The following WDR76 variants were observed in gnomAD, a reference collection of about 807,000 sequenced individuals.
The protein encoded by WDR76 is WD repeat domain 76.
Under a neutral mutation model 70.2 loss-of-function variants are expected in WDR76, and 52 were observed. The observed-to-expected ratio is 0.74, with a 90% CI of 0.59 to 0.93. The LOEUF (loss-of-function observed/expected upper bound fraction) is 0.93, where lower values mean the gene tolerates loss of function less well. Ranked by LOEUF, WDR76 falls within the 40% of genes least tolerant of loss-of-function variation. The pLI, the probability that WDR76 is intolerant of heterozygous loss-of-function variation, is 0.00. For missense variants in WDR76, 756 were observed against 760.2 expected (o/e 0.99, Z 0.07); for synonymous variants, 292 against 271.1 (o/e 1.08, Z -0.76).
chr15:43,857,574 C>T, intron 10 of WDR76: 1 of 968,414 alleles, frequency 1.0e-6, no homozygotes. Flanking sequence ...AATCCCAGCC[C>T]TTTGGGAGGC....
intron 2 of WDR76, among the ~76,000 whole-genome samples, chr15:43,829,355 A>ATAGGGAG (rs2087558238): frequency 6.6e-6 from 1 of 152,114 alleles, no homozygotes; most frequent in Non-Finnish European, 1.5e-5. Flanking sequence ...AAAGGGAGAT[A>ATAGGGAG]CTATAATTGA....
At chr15:43,830,337 TG>T (rs1247858820) in intron 2 of WDR76, among the ~76,000 whole-genome samples, 2 of 151,624 alleles carry the variant, frequency 1.3e-5, no homozygotes, top group Admixed American at 1.3e-4. Context: ...CTGAAGCAGG[TG>T]GATCACCTGA....
At chr15:43,828,432 A>T (rs974395887) in intron 2 of WDR76, 66 bp downstream of exon 2, 4 of 1,481,080 alleles carry the variant, frequency 2.7e-6, no homozygotes, top group Non-Finnish European at 3.6e-6. Flanking sequence ...TGATAAATCG[A>T]AGTTTTTCGA....
At position 43,842,528 on chromosome 15, in the gene WDR76, G is replaced by C; in HGVS notation, c.834+12G>C. The C allele has an allele frequency of 2.5e-6, 4 of 1,612,528 alleles. No homozygotes were observed. The highest frequency in any genetic ancestry group is 3.4e-6 in the Non-Finnish European group (4 of 1,179,114). On this transcript the variant is annotated intron_variant, in intron 6 of 12. Coordinates refer to ENST00000263795, the MANE Select transcript of WDR76 (RefSeq NM_024908.4). ...CAGGAATGAGCAAGGTATCACTTGG[G>C]AAGGCCAATAGCCTTTAGAATCATC...
intron 9 of WDR76, among the ~76,000 whole-genome samples, chr15:43,854,305 C>G (rs774657046): frequency 1.3e-5 from 2 of 152,172 alleles, no homozygotes; most frequent in Non-Finnish European, 2.9e-5. Flanking sequence ...CATGGTAGCT[C>G]ACACCTGTAA....
intron 8 of WDR76, among the ~76,000 whole-genome samples, chr15:43,847,206 A>G (rs1274750196): frequency 6.6e-6 from 1 of 152,060 alleles, no homozygotes; most frequent in Non-Finnish European, 1.5e-5. Flanking sequence ...GGCTTCATTG[A>G]GGTAATAATT....
intron 8 of WDR76, among the ~76,000 whole-genome samples, chr15:43,847,280 G>A (rs1054500510): frequency 6.6e-6 from 1 of 150,960 alleles, no homozygotes; most frequent in Non-Finnish European, 1.5e-5. Context: ...TTTTTTTTGA[G>A]ATGGGAATCT....
At position 43,868,292 on chromosome 15, in the gene WDR76, G is replaced by C. The variant is rs2088098388; in HGVS notation, c.*1900G>C. Reference sequence around the variant, plus strand: ...TAGAGTGGTTAGTTCTACGGGAATTGTTTTTGTTTTTGTTTTTAAAGATGC... The same window carrying C: ...TAGAGTGGTTAGTTCTACGGGAATTCTTTTTGTTTTTGTTTTTAAAGATGC... On this transcript the variant is annotated 3_prime_UTR_variant, in exon 13 of 13. Coordinates refer to ENST00000263795, the MANE Select transcript of WDR76 (RefSeq NM_024908.4). The C allele has an allele frequency of 6.6e-6, 1 of 152,052 alleles. No individual in the cohort carries two copies. The highest frequency in any genetic ancestry group is 6.6e-5 in the Admixed American group (1 of 15,264). The allele number at this position is 152,052 out of a possible 1,614,324, so 9.4% of individuals were successfully genotyped here.
chr15:43,839,950 C>T (rs1415708125), intron 5 of WDR76, among the ~76,000 whole-genome samples: 1 of 152,090 alleles, frequency 6.6e-6, no homozygotes, highest in African/African-American at 2.4e-5. Context: ...CCCCTCCTCC[C>T]GTGTTCAAGC....
chr15:43,866,093 AC>A lies in WDR76; in HGVS notation c.1617-34del, dbSNP rs549679726. The A allele has an allele frequency of 7.0e-5, 112 of 1,608,858 alleles. 1 individual carries two copies. The South Asian group carries it at 1.2e-3, about 17-fold the overall frequency. On this transcript the variant is annotated intron_variant, in intron 12 of 12. Transcript: ENST00000263795. Reference sequence around the variant, plus strand: ...GCCCAATGCTACCTTATTTAACCTTACTTCATTTAAAAAATATATTGTTTTC... The same window carrying A: ...GCCCAATGCTACCTTATTTAACCTTATTCATTTAAAAAATATATTGTTTTC...
In WDR76 at chr15:43,866,557, G is replaced by A; in HGVS notation, c.*165G>A. 1.3e-6 allele frequency: 1 copy of A among 778,946 alleles called. No homozygotes were observed. The highest frequency in any genetic ancestry group is 2.1e-5 in the South Asian group (1 of 47,392). The allele number at this position is 778,946 out of a possible 1,614,324, so 48.3% of individuals were successfully genotyped here. A position where few individuals can be genotyped will look rare whatever the true frequency, so the allele number is the denominator to read the frequency against. On this transcript the variant is annotated 3_prime_UTR_variant, in exon 13 of 13. Transcript: ENST00000263795. ...AGAGTGTACTTTTAGTAAGGGAGAA[G>A]TCTTGGAGGGTTGCTTCTGCAGGAC...
chr15:43,851,832 G>A (rs543813728), intron 9 of WDR76, among the ~76,000 whole-genome samples: 104 of 152,290 alleles, frequency 6.8e-4, no homozygotes, highest in Non-Finnish European at 1.2e-3. Flanking sequence ...CTACTCAGGA[G>A]GCTGAGGTGG....
At chr15:43,857,590 C>G (rs1244112611) in intron 10 of WDR76, 1 of 925,270 alleles carries the variant, frequency 1.1e-6, no homozygotes, top group Non-Finnish European at 1.3e-6. Context: ...GAGGCTGAGG[C>G]AGGCAGATCA....
intron 8 of WDR76, among the ~76,000 whole-genome samples, chr15:43,850,172 C>G (rs1423472270): frequency 1.3e-5 from 2 of 152,060 alleles, no homozygotes; most frequent in African/African-American, 4.8e-5. Flanking sequence ...AAAGCGACTT[C>G]TCAGGAGCTG....
rs1387030910 is a variant in WDR76 at position 43,867,890 on chromosome 15, A to G, written c.*1498A>G. The G allele has an allele frequency of 6.6e-6, 1 of 152,172 alleles. No homozygotes were observed. The highest frequency in any genetic ancestry group is 2.4e-5 in the African/African-American group (1 of 41,446). 9.4% of individuals were successfully genotyped at this position (152,172 alleles called of 1,614,324 possible). A position where few individuals can be genotyped will look rare whatever the true frequency, so the allele number is the denominator to read the frequency against. On this transcript the variant is annotated 3_prime_UTR_variant, in exon 13 of 13. Transcript: ENST00000263795. Reference sequence around the variant, plus strand: ...TATCCAACTTTTTTCATTATTCTTCATTGCCAAATACTGAAAGACTTGTAA... The same window carrying G: ...TATCCAACTTTTTTCATTATTCTTCGTTGCCAAATACTGAAAGACTTGTAA...
intron 7 of WDR76, 31 bp downstream of exon 7, chr15:43,842,702 A>G (rs2087740875): frequency 1.3e-6 from 2 of 1,587,176 alleles, no homozygotes; most frequent in African/African-American, 1.4e-5. Context: ...TTTCTTTTAT[A>G]TTTTTTGAGA....
chr15:43,848,221 CAG>C (rs1478739383), intron 8 of WDR76, among the ~76,000 whole-genome samples: 4 of 152,016 alleles, frequency 2.6e-5, no homozygotes, highest in African/African-American at 9.7e-5. Context: ...GCTGGATTGA[CAG>C]AGTGAGACCC....
Position 43,866,251 on chromosome 15 carries a change from A to G in WDR76, c.1740A>G (p.Thr580=). Residue 580 remains threonine (T), a synonymous_variant, in exon 13 of 13, where the codon ACA becomes ACG. Transcript: ENST00000263795. The part of the protein sequence containing the change: ...HPRRVEIFHE[T]GKRVHSFGGE... ...GACGGGTAGAAATCTTCCATGAGACAGGAAAGAGGGTGCATTCGTTTGGTG... is the reference window on the plus strand; with the variant it reads ...GACGGGTAGAAATCTTCCATGAGACGGGAAAGAGGGTGCATTCGTTTGGTG... The G allele has an allele frequency of 6.2e-6, 10 of 1,614,208 alleles. No individual in the cohort carries two copies. Among genetic ancestry groups the G allele is most frequent in the Non-Finnish European group, 8.5e-6 (10 of 1,180,034 alleles).
chr15:43,862,408 C>G (rs770324600), intron 12 of WDR76, among the ~76,000 whole-genome samples: 26 of 149,402 alleles, frequency 1.7e-4, no homozygotes, highest in Non-Finnish European at 3.7e-4. Context: ...GCCTCCGCCT[C>G]CTGGGTGCAA....
Sources: allele counts gnomAD v4.1 joint callset (sites outside exome capture counted in the v4.1 genomes callset), GRCh38; gene constraint gnomAD v4.1.1; transcripts MANE v1.5; gene names NCBI Gene and HGNC (gene_info 2026-07-23, HGNC 2026-07-21).